EYS: variants seen among roughly 807,000 people sequenced by gnomAD.
EYS encodes protein eyes shut homolog.
Under a neutral mutation model 282.1 loss-of-function variants are expected in EYS, and 250 were observed. The ratio of observed to expected loss-of-function variants is 0.89; its 90% CI spans 0.80 to 0.98. The LOEUF is 0.98. EYS is among the 50% of genes least tolerant of loss of function. EYS has a pLI of 0.00. For missense variants in EYS, 4,016 were observed against 3,709.0 expected, an observed-to-expected ratio of 1.08 and a Z score of -2.15; for synonymous variants, 1,355 against 1,282.9, an observed-to-expected ratio of 1.06 and a Z score of -1.20.
At chr6:64,944,146 T>A (rs2150094857) in intron 15 of EYS, among the ~76,000 whole-genome samples, 1 of 152,226 alleles carries the variant, frequency 6.6e-6, no homozygotes, top group African/African-American at 2.4e-5. Flanking sequence ...TAAATGGTGC[T>A]GGGAAAATTG....
intron 31 of EYS, among the ~76,000 whole-genome samples, chr6:64,125,956 C>T (rs11962579): frequency 0.011 from 1,673 of 150,768 alleles, 23 homozygotes; most frequent in African/African-American, 0.038. Context: ...TTAGGGTACA[C>T]GTGCACAACG....
At chr6:64,001,535 A>G (rs1768093082) in intron 33 of EYS, among the ~76,000 whole-genome samples, 1 of 152,148 alleles carries the variant, frequency 6.6e-6, no homozygotes, top group Admixed American at 6.5e-5. Context: ...AAACATTCTG[A>G]TTTGGAAAAG....
At chr6:64,653,141 C>T (rs186308079) in intron 22 of EYS, among the ~76,000 whole-genome samples, 1 of 152,066 alleles carries the variant, frequency 6.6e-6, no homozygotes, top group Non-Finnish European at 1.5e-5. Context: ...GAGAAATGCA[C>T]CAAGGGAAGA....
intron 12 of EYS, among the ~76,000 whole-genome samples, chr6:65,091,033 A>T (rs537505738): frequency 1.3e-5 from 2 of 152,074 alleles, no homozygotes. Flanking sequence ...TTAATTGTAC[A>T]TGATTAAACA....
At chr6:65,349,318 A>G (rs1391050571) in intron 9 of EYS, among the ~76,000 whole-genome samples, 1 of 151,540 alleles carries the variant, frequency 6.6e-6, no homozygotes, top group East Asian at 1.9e-4. Flanking sequence ...TTTGCAGAGT[A>G]CACTTGGCTT....
At chr6:64,129,759 T>A (rs1003883696) in intron 31 of EYS, among the ~76,000 whole-genome samples, 2 of 152,216 alleles carry the variant, frequency 1.3e-5, no homozygotes, top group Non-Finnish European at 2.9e-5. Context: ...GTTTTATGGT[T>A]TTAGGTCTAA....
At chr6:63,739,137 A>G (rs910882463) in intron 41 of EYS, among the ~76,000 whole-genome samples, 8 of 151,546 alleles carry the variant, frequency 5.3e-5, no homozygotes, top group African/African-American at 9.7e-5. Flanking sequence ...ATCTATTATC[A>G]TAATTGTTTT....
At chr6:63,770,888 T>A (rs1275820354) in intron 40 of EYS, among the ~76,000 whole-genome samples, 1 of 152,208 alleles carries the variant, frequency 6.6e-6, no homozygotes, top group African/African-American at 2.4e-5. Context: ...GACGGGTTGC[T>A]ATAATAATCA....
chr6:65,456,038 A>G (rs923533554), intron 5 of EYS, among the ~76,000 whole-genome samples: 1 of 117,978 alleles, frequency 8.5e-6, no homozygotes, highest in Non-Finnish European at 2.2e-5. Context: ...GGGAAGAAAG[A>G]AAGAAAGAGA....
chr6:64,486,362 G>A (rs1426514122), intron 26 of EYS, among the ~76,000 whole-genome samples: 1 of 151,390 alleles, frequency 6.6e-6, no homozygotes, highest in Non-Finnish European at 1.5e-5. Flanking sequence ...GTATCTGTCA[G>A]ATAACAAGAG....
intron 22 of EYS, among the ~76,000 whole-genome samples, chr6:64,667,255 T>G (rs1769266271): frequency 6.6e-6 from 1 of 150,810 alleles, no homozygotes; most frequent in African/African-American, 2.4e-5. Flanking sequence ...GGTATCTAAG[T>G]TTTTAATATA....
At chr6:64,770,261 T>C (rs1220860755) in intron 22 of EYS, among the ~76,000 whole-genome samples, 1 of 152,014 alleles carries the variant, frequency 6.6e-6, no homozygotes, top group African/African-American at 2.4e-5. Context: ...AGGATATGTA[T>C]ATACAAACAG....
chr6:63,748,356 A>G (rs1309627810), intron 41 of EYS, among the ~76,000 whole-genome samples: 1 of 152,184 alleles, frequency 6.6e-6, no homozygotes, highest in Admixed American at 6.5e-5. Context: ...TTTGGTGGAC[A>G]AGCTTTTTGA....
At chr6:64,954,765 C>T (rs1205960971) in intron 14 of EYS, among the ~76,000 whole-genome samples, 1 of 152,050 alleles carries the variant, frequency 6.6e-6, no homozygotes, top group Admixed American at 6.6e-5. Flanking sequence ...GGCAAGGGCA[C>T]CAAATTAACA....
chr6:63,902,379 G>A (rs1333443627), intron 35 of EYS, among the ~76,000 whole-genome samples: 1 of 152,068 alleles, frequency 6.6e-6, no homozygotes, highest in Non-Finnish European at 1.5e-5. Context: ...AATATTAAAG[G>A]AATTCTTTCA....
chr6:64,886,642 C>T, intron 19 of EYS, 55 bp downstream of exon 19: 2 of 1,409,014 alleles, frequency 1.4e-6, no homozygotes, highest in South Asian at 1.6e-5. Context: ...TATGAGGTTT[C>T]TATTTGCTTG....
chr6:64,192,623 G>T (rs969063712), intron 31 of EYS, among the ~76,000 whole-genome samples: 3 of 152,108 alleles, frequency 2.0e-5, no homozygotes, highest in Non-Finnish European at 4.4e-5. Context: ...AAACTGGCTA[G>T]CCATATGTAG....
chr6:65,114,270 G>T (rs1775302632), intron 12 of EYS, among the ~76,000 whole-genome samples: 1 of 149,422 alleles, frequency 6.7e-6, no homozygotes, highest in Non-Finnish European at 1.5e-5. Context: ...TAACTCTTAT[G>T]AAATAAAACA....
intron 26 of EYS, among the ~76,000 whole-genome samples, chr6:64,586,062 A>C (rs980681916): frequency 1.3e-5 from 2 of 152,078 alleles, no homozygotes; most frequent in Non-Finnish European, 2.9e-5. Context: ...TCTACTCTAA[A>C]ATTCATGTTG....
Sources: gnomAD v4.1 joint callset for allele counts (sites outside exome capture counted in the v4.1 genomes callset) on GRCh38, gnomAD v4.1.1 for gene constraint, MANE v1.5 for transcripts, NCBI Gene and HGNC (gene_info 2026-07-23, HGNC 2026-07-21) for gene names.